The following BRI3 variants were observed in gnomAD, a reference collection of about 807,000 sequenced individuals.
BRI3 encodes the protein brain protein I3.
A neutral mutation model predicts 12.8 loss-of-function variants in BRI3; 6 were observed. The ratio of observed to expected loss-of-function variants is 0.47; its 90% confidence interval spans 0.26 to 0.93. The LOEUF is 0.93. Among genes scored for constraint, BRI3 ranks in the 40% least tolerant of loss-of-function variants. BRI3 has a pLI of 0.15. For missense variants in BRI3, 134 were observed against 171.1 expected, an observed-to-expected ratio of 0.78 and a Z score of 1.21; for synonymous variants, 91 against 76.1, an observed-to-expected ratio of 1.20 and a Z score of -1.02.
At chr7:98,313,978 CTT>C (rs1163135871), downstream of BRI3, among the ~76,000 whole-genome samples, 6 of 120,232 alleles carry the variant, frequency 5.0e-5, no homozygotes, top group Non-Finnish European at 1.1e-4. Context: ...ACTCCTTTTT[CTT>C]CCTTTTTTTT....
exon 2 of BRI3, chr7:98,308,231 G>A (rs748969406): frequency 2.0e-5 from 10 of 506,180 alleles, no homozygotes; most frequent in South Asian, 3.1e-5. Flanking sequence ...GAGACAAACC[G>A]CTCCAACGCC....
exon 2 of BRI3, chr7:98,308,234 C>T: frequency 2.0e-6 from 1 of 503,720 alleles, no homozygotes; most frequent in Non-Finnish European, 3.9e-6. Flanking sequence ...ACAAACCGCT[C>T]CAACGCCAAA....
downstream of BRI3, among the ~76,000 whole-genome samples, chr7:98,311,370 G>A (rs150050244): frequency 4.5e-3 from 681 of 150,058 alleles, 2 homozygotes; most frequent in African/African-American, 0.011. Context: ...GGTGAAACCC[G>A]GTTTCCACTA....
chr7:98,288,563 C>G (rs767491159), intron 2 of BRI3, among the ~76,000 whole-genome samples: 7 of 151,046 alleles, frequency 4.6e-5, no homozygotes, highest in South Asian at 4.2e-4. Flanking sequence ...TGCCTTGGAG[C>G]TTCATGGTGT....
exon 2 of BRI3, chr7:98,308,412 A>G (rs1371354176): frequency 2.5e-6 from 1 of 394,216 alleles, no homozygotes; most frequent in African/African-American, 2.1e-5. Flanking sequence ...GATGAGTTCC[A>G]TTTACAGAGT....
downstream of BRI3, among the ~76,000 whole-genome samples, chr7:98,294,713 C>G (rs1216546959): frequency 6.6e-6 from 1 of 152,176 alleles, no homozygotes; most frequent in Non-Finnish European, 1.5e-5. Flanking sequence ...GGAGCTGACT[C>G]CTGAAGCATG....
downstream of BRI3, chr7:98,292,653 C>A: frequency 6.4e-7 from 1 of 1,551,682 alleles, no homozygotes; most frequent in South Asian, 1.2e-5. Context: ...CAGAGGTCAT[C>A]CTGGCTTTAC....
downstream of BRI3, among the ~76,000 whole-genome samples, chr7:98,294,941 C>A (rs929525174): frequency 6.6e-6 from 1 of 152,088 alleles, no homozygotes; most frequent in Admixed American, 6.5e-5. Context: ...TCCAAAAAGC[C>A]TGGAGGGTTT....
At chr7:98,321,128 G>C in the BRI3 span, among the ~76,000 whole-genome samples, 2 of 152,138 alleles carry the variant, frequency 1.3e-5, no homozygotes, top group South Asian at 2.1e-4. Flanking sequence ...CAAAGTGCTG[G>C]GATGACAGGT....
chr7:98,291,138 C>T lies in BRI3; in HGVS notation c.273C>T (p.Thr91=), dbSNP rs750648700. The T allele has an allele frequency of 1.6e-5, 26 of 1,614,080 alleles. 1 individual carries two copies. The highest frequency in any genetic ancestry group is 7.7e-5 in the South Asian group (7 of 91,088). The change falls in exon 3 of 3, where the codon ACC becomes ACT. Residue 91 remains threonine, a synonymous_variant. Transcript: ENST00000297290. ...TTGGGGTGCTGGAGGACTGCTTCAC[C>T]TTCCTGGGCATCTTCCTGGCCATCA... ...CRVGVLEDCF[T]FLGIFLAIIL...
chr7:98,313,982 CTTTTTTTTTT>C (rs35599338), downstream of BRI3, among the ~76,000 whole-genome samples: 7 of 100,940 alleles, frequency 6.9e-5, no homozygotes, highest in Non-Finnish European at 9.6e-5. Flanking sequence ...CTTTTTCTTC[CTTTTTTTTTT>C]TTTTTTTTTT....
At chr7:98,297,818 G>A (rs1287201030), downstream of BRI3, among the ~76,000 whole-genome samples, 7 of 152,360 alleles carry the variant, frequency 4.6e-5, 1 homozygote, top group South Asian at 1.0e-3. Context: ...CTCACGCCAC[G>A]TGAGGGCGCG....
chr7:98,302,711 A>C (rs1475218360), upstream of BRI3, among the ~76,000 whole-genome samples: 39 of 152,222 alleles, frequency 2.6e-4, no homozygotes, highest in Admixed American at 2.5e-3. Context: ...GTAGCTAGAA[A>C]AGGCCTCACG....
chr7:98,291,529 A>C lies in BRI3; in HGVS notation c.*286A>C. The C allele has an allele frequency of 8.4e-7, 1 of 1,191,718 alleles. No homozygotes were observed. The highest frequency in any genetic ancestry group is 1.0e-6 in the Non-Finnish European group (1 of 955,204). The allele number at this position is 1,191,718 out of a possible 1,614,324, so 73.8% of individuals were successfully genotyped here. ...ATAAATGAGATTCATACCATTGTTGACCTGGTGCTGCTTACTCGGTGCTTT... is the reference window on the plus strand; with the variant it reads ...ATAAATGAGATTCATACCATTGTTGCCCTGGTGCTGCTTACTCGGTGCTTT... On this transcript the variant is annotated 3_prime_UTR_variant, in exon 3 of 3. Coordinates refer to ENST00000297290, the MANE Select transcript of BRI3 (RefSeq NM_015379.5).
chr7:98,290,020 A>G (rs995720256), intron 2 of BRI3, among the ~76,000 whole-genome samples: 1 of 152,124 alleles, frequency 6.6e-6, no homozygotes, highest in African/African-American at 2.4e-5. Context: ...TTGTGTGAAC[A>G]TGGCCGACTG....
chr7:98,301,665 G>A (rs960245136), upstream of BRI3, among the ~76,000 whole-genome samples: 1 of 151,806 alleles, frequency 6.6e-6, no homozygotes, highest in African/African-American at 2.4e-5. Context: ...AGATGATGGT[G>A]TGTGTGTGTG....
upstream of BRI3, among the ~76,000 whole-genome samples, chr7:98,303,179 A>G (rs1800496281): frequency 6.6e-6 from 1 of 152,058 alleles, no homozygotes; most frequent in African/African-American, 2.4e-5. Context: ...ACGTTCCCAG[A>G]CTCCTCAAGG....
At chr7:98,322,855 G>C in the BRI3 span, 61,324 of 152,074 alleles carry the variant, frequency 0.4, 13,348 homozygotes, top group Middle Eastern at 0.55. Context: ...CCCTGCTCCC[G>C]CCATGGTGTT....
At chr7:98,295,304 A>C (rs1584410898), downstream of BRI3, among the ~76,000 whole-genome samples, 1 of 152,114 alleles carries the variant, frequency 6.6e-6, no homozygotes, top group Non-Finnish European at 1.5e-5. Flanking sequence ...CACCCTCCCC[A>C]GATCCCCTGG....
Sources: allele counts gnomAD v4.1 joint callset (sites outside exome capture counted in the v4.1 genomes callset), GRCh38; gene constraint gnomAD v4.1.1; transcripts MANE v1.5; gene names NCBI Gene and HGNC (gene_info 2026-07-23, HGNC 2026-07-21).